LMTK2: variants seen among roughly 807,000 people sequenced by gnomAD.
The protein encoded by LMTK2 is serine/threonine-protein kinase LMTK2.
In LMTK2, 37 loss-of-function variants were observed where a neutral mutation model predicts 127.5. That is an observed-to-expected ratio of 0.29 (90% CI 0.22 to 0.38). LMTK2 has a LOEUF of 0.38. LMTK2 is among the 10% of genes least tolerant of loss of function. The pLI is 1.00. For missense variants in LMTK2, 1,694 were observed against 1,920.3 expected (o/e 0.88, Z 2.20); for synonymous variants, 819 against 810.1 (o/e 1.01, Z -0.19).
At position 98,208,906 on chromosome 7, in the gene LMTK2, CCCT is replaced by C. The variant is rs1797847966; in HGVS notation, c.*3418_*3420del. ...GCTGCTGTAAAAGGCCTTTCCAAAC[CCCT>C]CCTTTTATTCCTGTTTCCCGAAATA... On this transcript the variant is annotated 3_prime_UTR_variant, in exon 14 of 14. Coordinates refer to ENST00000297293, the MANE Select transcript of LMTK2 (RefSeq NM_014916.4). 1 of 152,236 alleles carries C rather than the reference CCCT, an allele frequency of 6.6e-6. No individual in the cohort carries two copies. Among genetic ancestry groups the C allele is most frequent in the South Asian group, 2.1e-4 (1 of 4,828 alleles). The allele number at this position is 152,236 out of a possible 1,614,324, so 9.4% of individuals were successfully genotyped here.
chr7:98,209,381 A>C lies in LMTK2; in HGVS notation c.*3889A>C, dbSNP rs1797856385. ...TCTTGATCATGGGGCTGGTGTATGG[A>C]TCCACCGTCGGATTCCGTCTGCAGA... On this transcript the variant is annotated 3_prime_UTR_variant, in exon 14 of 14. Transcript: ENST00000297293. The C allele has an allele frequency of 6.6e-6, 1 of 152,148 alleles. No individual in the cohort carries two copies. The highest frequency in any genetic ancestry group is 1.5e-5 in the Non-Finnish European group (1 of 68,040). 9.4% of individuals were successfully genotyped at this position (152,148 alleles called of 1,614,324 possible).
At position 98,192,405 on chromosome 7, in the gene LMTK2, G is replaced by A; in HGVS notation, c.1940G>A (p.Ser647Asn). 6.2e-7 allele frequency: 1 copy of A among 1,610,372 alleles called. No individual in the cohort carries two copies. The highest frequency in any genetic ancestry group is 1.7e-4 in the Middle Eastern group (1 of 6,046). ...NDVDKSEDLP[S>N]HQKIFDLMEL... The stretch of plus-strand genomic sequence containing the variant: ...GTGGACAAATCGGAAGATTTGCCCA[G>A]TCACCAAAAAATATTCGACTTAATG... Residue 647 changes from serine to asparagine, a missense_variant, in exon 11 of 14, where the codon AGT becomes AAT. Coordinates refer to ENST00000297293, the MANE Select transcript of LMTK2 (RefSeq NM_014916.4).
chr7:98,205,630 G>T lies in LMTK2; in HGVS notation c.*138G>T, dbSNP rs984835880. 17 of 950,720 alleles carry T rather than the reference G, an allele frequency of 1.8e-5. No individual in the cohort carries two copies. The highest frequency in any genetic ancestry group is 2.7e-5 in the Non-Finnish European group (17 of 621,566). The allele number at this position is 950,720 out of a possible 1,614,324, so 58.9% of individuals were successfully genotyped here. On this transcript the variant is annotated 3_prime_UTR_variant, in exon 14 of 14. Transcript: ENST00000297293. ...GGAAGAATCCAGAGGTGAAGAGGGA[G>T]ACGGCTCTTAGCTGCGTTCAAGGCG...
rs551794728 is a variant in LMTK2 at position 98,141,778 on chromosome 7, A to G, written c.376+237A>G. 5.9e-5 allele frequency among the ~76,000 whole-genome samples: 9 copies of G among 152,326 alleles called. No individual in the cohort carries two copies. The South Asian group carries it at 1.9e-3, about 32-fold the overall frequency. On this transcript the variant is annotated intron_variant, in intron 3 of 13. Transcript: ENST00000297293. Reference sequence around the variant, plus strand: ...AGAATAAAACGAATCTCCTTGATTCATTGACATTGAACACCTGGCCAGAAC... The same window carrying G: ...AGAATAAAACGAATCTCCTTGATTCGTTGACATTGAACACCTGGCCAGAAC...
intron 12 of LMTK2, 29 bp downstream of exon 12, chr7:98,203,735 G>C: frequency 6.2e-7 from 1 of 1,609,984 alleles, no homozygotes; most frequent in Non-Finnish European, 8.5e-7. Context: ...TAGTTTTAAA[G>C]GAAACTGAAA....
intron 13 of LMTK2, 151 bp downstream of exon 13, chr7:98,204,337 A>G: frequency 1.9e-6 from 2 of 1,028,634 alleles, no homozygotes; most frequent in Non-Finnish European, 2.8e-6. Flanking sequence ...AACTCCCATC[A>G]TCAGCTGGGT....
At chr7:98,131,088 C>CT (rs1796513987) in intron 1 of LMTK2, among the ~76,000 whole-genome samples, 1 of 152,192 alleles carries the variant, frequency 6.6e-6, no homozygotes, top group South Asian at 2.1e-4. Flanking sequence ...CCCCCGTCCA[C>CT]TTTCTCCACG....
chr7:98,138,170 G>T (rs1050304895), intron 2 of LMTK2, among the ~76,000 whole-genome samples: 9 of 152,226 alleles, frequency 5.9e-5, no homozygotes, highest in Non-Finnish European at 8.8e-5. Context: ...AGGAATACAT[G>T]GGGGGGAGAA....
Position 98,207,518 on chromosome 7 carries a change from TTTAA to T in LMTK2, c.*2031_*2034del, listed in dbSNP as rs1261496052. The T allele has an allele frequency of 2.0e-5, 3 of 151,918 alleles. No individual in the cohort carries two copies. Among genetic ancestry groups the T allele is most frequent in the East Asian group, 3.9e-4 (2 of 5,178 alleles). The allele number at this position is 151,918 out of a possible 1,614,324, so 9.4% of individuals were successfully genotyped here. On this transcript the variant is annotated 3_prime_UTR_variant, in exon 14 of 14. Coordinates refer to ENST00000297293, the MANE Select transcript of LMTK2 (RefSeq NM_014916.4). ...GGGATGCGCGAATTTTTTTTTTTTT[TTTAA>T]TTAACAGGGCATTAGAAGATGATTT...
At chr7:98,168,654 A>G (rs884896) in intron 6 of LMTK2, among the ~76,000 whole-genome samples, 14,494 of 152,220 alleles carry the variant, frequency 0.095, 1,383 homozygotes, top group East Asian at 0.38. Context: ...GAAAAGCTAT[A>G]TAAAGCCCTC....
chr7:98,204,430 T>G (rs764459617), intron 13 of LMTK2, among the ~76,000 whole-genome samples: 3 of 152,144 alleles, frequency 2.0e-5, no homozygotes, highest in Non-Finnish European at 4.4e-5. Context: ...GAGACCAGCC[T>G]GGGCAACATA....
chr7:98,129,720 T>A (rs1271477927), intron 1 of LMTK2, among the ~76,000 whole-genome samples: 1 of 151,448 alleles, frequency 6.6e-6, no homozygotes, highest in Non-Finnish European at 1.5e-5. Context: ...CTGTTGTTGT[T>A]GTTTTTCCTG....
In LMTK2 at chr7:98,112,437, A is replaced by G. The variant is rs193172143; in HGVS notation, c.103+5157A>G. 2.1e-3 allele frequency among the ~76,000 whole-genome samples: 319 copies of G among 152,350 alleles called. 3 individuals are homozygous for G. Among genetic ancestry groups the G allele is most frequent in the African/African-American group, 7.4e-3 (307 of 41,576 alleles). ...GTCCAAACCTGTGTTGTCTAGTACAATAGCCACTAGCTCCCTGTGGATGCT... is the reference window on the plus strand; with the variant it reads ...GTCCAAACCTGTGTTGTCTAGTACAGTAGCCACTAGCTCCCTGTGGATGCT... On this transcript the variant is annotated intron_variant, in intron 1 of 13. Transcript: ENST00000297293.
At chr7:98,186,078 T>C (rs953054379) in intron 8 of LMTK2, among the ~76,000 whole-genome samples, 1 of 151,876 alleles carries the variant, frequency 6.6e-6, no homozygotes, top group Non-Finnish European at 1.5e-5. Flanking sequence ...TTTTTTTTCT[T>C]TTTTTGAGAT....
chr7:98,123,210 T>C (rs1166922078), intron 1 of LMTK2, among the ~76,000 whole-genome samples: 1 of 152,238 alleles, frequency 6.6e-6, no homozygotes, highest in Non-Finnish European at 1.5e-5. Flanking sequence ...ATACTGAGTT[T>C]CTACTATGCA....
rs756491595 is a variant in LMTK2, at chr7:98,154,830, A to G, written c.523A>G (p.Asn175Asp). 3.3e-5 allele frequency: 53 copies of G among 1,613,454 alleles called. No individual in the cohort carries two copies. Among genetic ancestry groups the G allele is most frequent in the Non-Finnish European group, 4.0e-5 (47 of 1,179,438 alleles). ...VIVKELKASA[N>D]PKEQDTFLKN... is the part of the protein sequence containing the mutation. ...CGTGAAGGAGTTAAAAGCAAGTGCC[A>G]ACCCAAAGGAACAAGATACTTTTTT... is the stretch of plus-strand genomic sequence containing the variant. The change falls in exon 5 of 14, where the codon AAC (asparagine) becomes GAC (aspartate). Residue 175 changes from asparagine to aspartate, a missense_variant. By Grantham distance (23) the Asn-to-Asp change is conservative. Transcript: ENST00000297293.
Position 98,193,313 on chromosome 7 carries a change from T to G in LMTK2, c.2848T>G (p.Leu950Val). 6.2e-7 allele frequency: 1 copy of G among 1,613,938 alleles called. No individual in the cohort carries two copies. The highest frequency in any genetic ancestry group is 2.2e-5 in the East Asian group (1 of 44,862). ...LEKNLEAVET[L>V]NQLNSKDAAK... ...GAAAAACTTAGAGGCTGTGGAGACT[T>G]TAAATCAGCTCAATTCTAAAGACGC... The change falls in exon 11 of 14, where the codon TTA becomes GTA. Residue 950 changes from leucine (L) to valine (V), a missense_variant. By Grantham distance (32) the Leu-to-Val change is conservative (BLOSUM62 1). Around this residue, in one of 8 missense-constraint regions of LMTK2, gnomAD observed 527 missense variants for 539.8 expected, o/e 0.98. Transcript: ENST00000297293. The surrounding 1 kb of genome is among the most constrained non-coding windows in gnomAD (Gnocchi z 4.1).
Position 98,193,014 on chromosome 7 carries a change from C to T in LMTK2, c.2549C>T (p.Pro850Leu), listed in dbSNP as rs775247660. 15 of 1,613,830 alleles carry T rather than the reference C, an allele frequency of 9.3e-6. No individual in the cohort carries two copies. The East Asian group carries it at 1.8e-4, about 19-fold the overall frequency. ...TQPTCLDVIV[P>L]EDCLHQDISP... ...CCCACGTGTTTAGATGTTATTGTCC[C>T]GGAGGACTGTCTCCACCAGGACATC... is the stretch of plus-strand genomic sequence containing the variant. The change falls in exon 11 of 14, where the codon CCG becomes CTG. Residue 850 changes from proline (P) to leucine (L), a missense_variant. Transcript: ENST00000297293. The surrounding 1 kb of genome is among the most constrained non-coding windows in gnomAD (Gnocchi z 4.1).
intron 6 of LMTK2, among the ~76,000 whole-genome samples, chr7:98,163,363 C>G (rs1195662605): frequency 6.6e-6 from 1 of 152,088 alleles, no homozygotes; most frequent in African/African-American, 2.4e-5. Context: ...CAGGTGCTAC[C>G]TATGTTCGGA....
Sources: allele counts gnomAD v4.1 joint callset (sites outside exome capture counted in the v4.1 genomes callset), GRCh38; gene constraint gnomAD v4.1.1; regional missense constraint gnomAD v4.1.1; non-coding constraint Gnocchi (gnomAD v3.1); transcripts MANE v1.5; gene names NCBI Gene and HGNC (gene_info 2026-07-23, HGNC 2026-07-21).